Variants in SESTD1 observed in about 807,000 individuals in gnomAD.
SESTD1 encodes the protein SEC14 and spectrin domain containing 1, also known as SEC14 domain and spectrin repeat-containing protein 1.
In SESTD1, 43 loss-of-function variants were observed where a neutral mutation model predicts 101.7. The ratio of observed to expected loss-of-function variants is 0.42; its 90% CI spans 0.33 to 0.55. The LOEUF (loss-of-function observed/expected upper bound fraction) is 0.55. Ranked by LOEUF, SESTD1 falls within the 20% of genes least tolerant of loss-of-function variation. The pLI, the probability that SESTD1 is intolerant of heterozygous loss-of-function variation, is 0.07. For synonymous variants in SESTD1, 283 were observed against 286.8 expected, an observed-to-expected ratio of 0.99 and a Z score of 0.13; for missense variants, 647 against 815.1, an observed-to-expected ratio of 0.79 and a Z score of 2.51.
intron 8 of SESTD1, among the ~76,000 whole-genome samples, chr2:179,144,587 T>G (rs2045354755): frequency 6.6e-6 from 1 of 152,050 alleles, no homozygotes; most frequent in African/African-American, 2.4e-5. Context: ...AAATTGTTTT[T>G]GTGACTAATA....
At chr2:179,147,103 T>C (rs1401852642) in intron 7 of SESTD1, among the ~76,000 whole-genome samples, 2 of 151,988 alleles carry the variant, frequency 1.3e-5, no homozygotes, top group Admixed American at 1.3e-4. Context: ...TTTCACTTTT[T>C]GTCAATGGAT....
chr2:179,179,515 C>G (rs1308362788), intron 3 of SESTD1, among the ~76,000 whole-genome samples: 2 of 152,228 alleles, frequency 1.3e-5, no homozygotes, highest in East Asian at 3.8e-4. Flanking sequence ...GGCTCCTTCT[C>G]TTCCACTCAT....
chr2:179,153,662 T>C (rs544939327), intron 5 of SESTD1, among the ~76,000 whole-genome samples: 1 of 152,014 alleles, frequency 6.6e-6, no homozygotes, highest in Non-Finnish European at 1.5e-5. Flanking sequence ...TTTGTTAAAA[T>C]AGCATTAGTC....
chr2:179,116,273 TAA>T (rs371896290), intron 15 of SESTD1, among the ~76,000 whole-genome samples: 24 of 139,182 alleles, frequency 1.7e-4, no homozygotes, highest in Admixed American at 2.1e-4. Context: ...GACTGTGTCT[TAA>T]AAAAAAAAAA....
At chr2:179,223,843 G>C (rs1225505126) in intron 1 of SESTD1, among the ~76,000 whole-genome samples, 2 of 152,112 alleles carry the variant, frequency 1.3e-5, no homozygotes, top group African/African-American at 2.4e-5. Flanking sequence ...AACTACAAAA[G>C]GAACTAAGAT....
At chr2:179,171,257 A>C (rs1370575342) in intron 5 of SESTD1, among the ~76,000 whole-genome samples, 1 of 152,206 alleles carries the variant, frequency 6.6e-6, no homozygotes, top group East Asian at 1.9e-4. Flanking sequence ...AAAACCATGT[A>C]TTTTTAAGAA....
At chr2:179,264,117 C>T (rs1295281949) in intron 1 of SESTD1, 3 of 152,368 alleles carry the variant, frequency 2.0e-5, no homozygotes, top group African/African-American at 7.2e-5. Context: ...AACGCCCAAA[C>T]CTGTTGCACA....
chr2:179,204,138 G>A lies in SESTD1; in HGVS notation c.-25-12272C>T, dbSNP rs560805150. Among the ~76,000 whole-genome samples, 16 of 133,856 alleles carry A rather than the reference G, an allele frequency of 1.2e-4. 3 individuals are homozygous for A. The highest frequency in any genetic ancestry group is 4.2e-3 in the Middle Eastern group (1 of 236). The allele number at this position is 133,856 out of a possible 152,430, so 87.8% of individuals were successfully genotyped here. On this transcript the variant is annotated intron_variant, in intron 1 of 17. Coordinates refer to ENST00000428443, the MANE Select transcript of SESTD1 (RefSeq NM_178123.5). ...TATATATATATACACACACATACACGTGTGTACAGATGAAAAAAGAAAGAA... is the reference window on the plus strand; with the variant it reads ...TATATATATATACACACACATACACATGTGTACAGATGAAAAAAGAAAGAA...
chr2:179,255,983 G>A (rs1213309615), intron 1 of SESTD1, among the ~76,000 whole-genome samples: 1 of 151,716 alleles, frequency 6.6e-6, no homozygotes, highest in African/African-American at 2.4e-5. Context: ...ATGGTTTACT[G>A]AATCTTTTAA....
chr2:179,174,936 C>A, intron 4 of SESTD1, among the ~76,000 whole-genome samples: 1 of 102,866 alleles, frequency 9.7e-6, no homozygotes. Context: ...AAGTGAGTCC[C>A]TGATATAAAA....
At chr2:179,167,322 C>G (rs2045852573) in intron 5 of SESTD1, among the ~76,000 whole-genome samples, 1 of 151,866 alleles carries the variant, frequency 6.6e-6, no homozygotes, top group Admixed American at 6.6e-5. Flanking sequence ...GAGAAAATAC[C>G]TAAACTGAAA....
At chr2:179,244,475 C>CA (rs376053812) in intron 1 of SESTD1, among the ~76,000 whole-genome samples, 29,132 of 135,772 alleles carry the variant, frequency 0.21, 3,433 homozygotes, top group African/African-American at 0.38. Context: ...AACAAACCAA[C>CA]AAAAAAAAAA....
In SESTD1 at chr2:179,213,293, G is replaced by A. The variant is rs1485781343; in HGVS notation, c.-25-21427C>T. Among the ~76,000 whole-genome samples, 2 of 134,738 alleles carry A rather than the reference G, an allele frequency of 1.5e-5. 1 individual carries two copies. The highest frequency in any genetic ancestry group is 5.9e-5 in the African/African-American group (2 of 33,994). 88.4% of individuals were successfully genotyped at this position (134,738 alleles called of 152,430 possible). A position where few individuals can be genotyped will look rare whatever the true frequency, so the allele number is the denominator to read the frequency against. ...GGCTAATTAGAATAAACAGTATAGA[G>A]AAGACCTTAAGTGACCTGATGGAGC... On this transcript the variant is annotated intron_variant, in intron 1 of 17. Coordinates refer to ENST00000428443, the MANE Select transcript of SESTD1 (RefSeq NM_178123.5).
chr2:179,163,727 G>A (rs1216246095), intron 5 of SESTD1, among the ~76,000 whole-genome samples: 2 of 151,902 alleles, frequency 1.3e-5, no homozygotes, highest in African/African-American at 4.8e-5. Context: ...GAGAAGTTAA[G>A]ACAAGACAAA....
At chr2:179,254,261 G>C (rs1047280103) in intron 1 of SESTD1, among the ~76,000 whole-genome samples, 21 of 152,020 alleles carry the variant, frequency 1.4e-4, no homozygotes, top group Admixed American at 6.6e-5. Context: ...AAATTTAGGA[G>C]CTAAAAAAGA....
In SESTD1 at chr2:179,136,182, C is replaced by A. The variant is rs138978891; in HGVS notation, c.850-3756G>T. Reference sequence around the variant, plus strand: ...TCTTCTAGTTGAAAGACTTTGGTTTCTCATCTTTTAAATGATGTTAATGAT... The same window carrying A: ...TCTTCTAGTTGAAAGACTTTGGTTTATCATCTTTTAAATGATGTTAATGAT... On this transcript the variant is annotated intron_variant, in intron 9 of 17. Coordinates refer to ENST00000428443, the MANE Select transcript of SESTD1 (RefSeq NM_178123.5). Among the ~76,000 whole-genome samples, 6 of 152,298 alleles carry A rather than the reference C, an allele frequency of 3.9e-5. No homozygotes were observed. The South Asian group carries it at 1.0e-3, about 26-fold the overall frequency.
intron 1 of SESTD1, among the ~76,000 whole-genome samples, chr2:179,254,143 A>C (rs2047358462): frequency 6.6e-6 from 1 of 152,044 alleles, no homozygotes; most frequent in Non-Finnish European, 1.5e-5. Flanking sequence ...GAAACATATT[A>C]ATGTATTATC....
Position 179,123,784 on chromosome 2 carries a change from C to T in SESTD1, c.1213G>A (p.Val405Ile), listed in dbSNP as rs1215896755. 1 of 1,613,878 alleles carries T rather than the reference C, an allele frequency of 6.2e-7. No individual in the cohort carries two copies. Among genetic ancestry groups the T allele is most frequent in the Non-Finnish European group, 8.5e-7 (1 of 1,179,942 alleles). The change falls in exon 12 of 18, where the codon GTA becomes ATA. Residue 405 changes from valine to isoleucine, a missense_variant. Physicochemically the swap from Val to Ile is conservative, Grantham distance 29. Around this residue, in one of 3 missense-constraint regions of SESTD1, gnomAD observed 476 missense variants for 562.6 expected, o/e 0.85. Coordinates refer to ENST00000428443, the MANE Select transcript of SESTD1 (RefSeq NM_178123.5). ...DGLLGMLCVD[V>I]APADGASIQQ... Reference sequence around the variant, plus strand: ...ATCGATGCTCCATCAGCTGGTGCTACATCTACGCACAACATCCCTAATAAG... The same window carrying T: ...ATCGATGCTCCATCAGCTGGTGCTATATCTACGCACAACATCCCTAATAAG...
chr2:179,153,278 T>C (rs1382863915), intron 5 of SESTD1, among the ~76,000 whole-genome samples: 3 of 152,188 alleles, frequency 2.0e-5, no homozygotes, highest in Non-Finnish European at 2.9e-5. Context: ...AGTTTTAGTA[T>C]TGCCATTCTG....
Sources: gnomAD v4.1 joint callset for allele counts (sites outside exome capture counted in the v4.1 genomes callset) on GRCh38, gnomAD v4.1.1 for gene constraint, gnomAD v4.1.1 regional missense constraint, MANE v1.5 for transcripts, NCBI Gene and HGNC (gene_info 2026-07-23, HGNC 2026-07-21) for gene names.